Variants in PAK1IP1 observed in about 807,000 individuals in gnomAD.
PAK1IP1 encodes the protein PAK1 interacting protein 1.
A neutral mutation model predicts 42.0 loss-of-function variants in PAK1IP1; 24 were observed. The observed-to-expected ratio is 0.57, with a 90% CI of 0.41 to 0.80. The LOEUF (loss-of-function observed/expected upper bound fraction) is 0.80. PAK1IP1 is among the 30% of genes least tolerant of loss of function. The probability of loss-of-function intolerance (pLI) is 0.00; values close to 1 mark genes in which losing one functional copy is unlikely to be tolerated. For synonymous variants in PAK1IP1, 154 were observed against 156.7 expected, an observed-to-expected ratio of 0.98 and a Z score of 0.13; for missense variants, 411 against 467.9, an observed-to-expected ratio of 0.88 and a Z score of 1.12.
At chr6:10,693,930 T>C (rs2127475846), upstream of PAK1IP1, among the ~76,000 whole-genome samples, 1 of 152,248 alleles carries the variant, frequency 6.6e-6, no homozygotes, top group East Asian at 1.9e-4. Context: ...CATCAAAATA[T>C]GTTGCTCAGG....
At chr6:10,694,583 G>GAC, upstream of PAK1IP1, 1 of 186,204 alleles carries the variant, frequency 5.4e-6, no homozygotes, top group Non-Finnish European at 1.2e-5. Flanking sequence ...GCACGCTGCC[G>GAC]GCGCTACAGC....
intron 1 of PAK1IP1, among the ~76,000 whole-genome samples, chr6:10,696,064 T>C (rs1286362668): frequency 2.6e-5 from 4 of 152,100 alleles, no homozygotes; most frequent in African/African-American, 9.7e-5. Flanking sequence ...GTTTTGCAGA[T>C]GAAGTACCAA....
Position 10,707,452 on chromosome 6 carries a change from C to T in PAK1IP1, c.778C>T (p.His260Tyr), listed in dbSNP as rs926366590. ...GTTCAGTTTTGAAATTCCAGAGCATCATGTTATTGTTTCAGCATCGAGTGA... is the reference window on the plus strand; with the variant it reads ...GTTCAGTTTTGAAATTCCAGAGCATTATGTTATTGTTTCAGCATCGAGTGA... ...DMFSFEIPEH[H>Y]VIVSASSDGF... The change falls in exon 8 of 10, where the codon CAT becomes TAT. Residue 260 changes from histidine to tyrosine, a missense_variant. Transcript: ENST00000379568. The T allele has an allele frequency of 3.4e-5, 54 of 1,610,594 alleles. No individual in the cohort carries two copies. The highest frequency in any genetic ancestry group is 4.1e-5 in the Non-Finnish European group (48 of 1,176,950).
In PAK1IP1 at chr6:10,702,628, T is replaced by C. The variant is rs1200118144; in HGVS notation, c.432T>C (p.Asp144=). The C allele has an allele frequency of 1.9e-6, 3 of 1,611,474 alleles. No homozygotes were observed. The highest frequency in any genetic ancestry group is 2.7e-5 in the African/African-American group (2 of 74,898). ...SGKLALSVGT[D]KTLRTWNLVE... ...AGTTGGCCCTGTCGGTTGGTACAGA[T>C]AAAACTTTAAGGTAAGTCATTAATG... The change falls in exon 4 of 10, where the codon GAT becomes GAC. Residue 144 remains aspartate (D), a synonymous_variant. Transcript: ENST00000379568.
chr6:10,703,639 A>ATTTT (rs1404653376), intron 5 of PAK1IP1, among the ~76,000 whole-genome samples, 182 bp downstream of exon 5: 1 of 152,246 alleles, frequency 6.6e-6, no homozygotes, highest in African/African-American at 2.4e-5. Flanking sequence ...AATATTGTGT[A>ATTTT]AAATTACCTT....
chr6:10,703,325 A>T, intron 4 of PAK1IP1, 80 bp from the exon 5 acceptor site: 1 of 981,708 alleles, frequency 1.0e-6, no homozygotes, highest in Non-Finnish European at 1.6e-6. Flanking sequence ...ATGTCACTTA[A>T]GTCTTCATTA....
chr6:10,699,001 C>T (rs1769943354), intron 2 of PAK1IP1, among the ~76,000 whole-genome samples: 1 of 151,992 alleles, frequency 6.6e-6, no homozygotes, highest in African/African-American at 2.4e-5. Context: ...GAGATTGAGA[C>T]CATCCTGGCT....
chr6:10,704,922 T>C, intron 7 of PAK1IP1, 78 bp downstream of exon 7: 2 of 863,432 alleles, frequency 2.3e-6, no homozygotes, highest in Non-Finnish European at 4.0e-6. Context: ...AGCCAGGTTA[T>C]ATGTTTTTAT....
Position 10,697,443 on chromosome 6 carries a change from C to G in PAK1IP1, c.204C>G (p.Asp68Glu), listed in dbSNP as rs988335577. The G allele has an allele frequency of 4.3e-6, 7 of 1,613,800 alleles. No homozygotes were observed. Among genetic ancestry groups the G allele is most frequent in the Non-Finnish European group, 5.1e-6 (6 of 1,179,872 alleles). The change falls in exon 2 of 10, where the codon GAC (aspartate) becomes GAG (glutamate). Residue 68 changes from aspartate (D) to glutamate (E), a missense_variant. Asp to Glu is a conservative substitution (Grantham distance 45, BLOSUM62 2). Coordinates refer to ENST00000379568, the MANE Select transcript of PAK1IP1 (RefSeq NM_017906.3). ...GSKDETIHIY[D>E]MKKKIEHGAL... is the part of the protein sequence containing the mutation. ...AAGATGAAACAATTCACATTTATGACATGAAAAAGAAGATTGAGCATGGGG... is the reference window on the plus strand; with the variant it reads ...AAGATGAAACAATTCACATTTATGAGATGAAAAAGAAGATTGAGCATGGGG...
Position 10,703,394 on chromosome 6 carries a change from C to T in PAK1IP1, c.444-11C>T. ...GGTGATCACACCGTAAGTGAGCTTC[C>T]TGTTTTGCAGAACGTGGAATCTTGT... is the stretch of plus-strand genomic sequence containing the variant. On this transcript the variant is annotated splice_polypyrimidine_tract_variant and intron_variant, in intron 4 of 9. Coordinates refer to ENST00000379568, the MANE Select transcript of PAK1IP1 (RefSeq NM_017906.3). 6.2e-7 allele frequency: 1 copy of T among 1,605,878 alleles called. No individual in the cohort carries two copies. The highest frequency in any genetic ancestry group is 1.1e-5 in the South Asian group (1 of 90,272).
At chr6:10,693,044 C>T (rs1396131236), upstream of PAK1IP1, among the ~76,000 whole-genome samples, 3 of 152,238 alleles carry the variant, frequency 2.0e-5, no homozygotes, top group Non-Finnish European at 4.4e-5. Flanking sequence ...GACTAACTTA[C>T]TTCAAGCCTC....
rs530364577 is a variant in PAK1IP1 at position 10,703,446 on chromosome 6, A to C, written c.485A>C (p.Asn162Thr). Reference protein sequence around the residue: ...LVEGRSAFIKNIKQNAHIVEW... With the variant: ...LVEGRSAFIKTIKQNAHIVEW... ...GAAGGAAGATCAGCATTCATAAAAA[A>C]TATAAAACAAAGTGAGTATTTTTGT... The change falls in exon 5 of 10, where the codon AAT becomes ACT. Residue 162 changes from asparagine to threonine, a missense_variant. Coordinates refer to ENST00000379568, the MANE Select transcript of PAK1IP1 (RefSeq NM_017906.3). The C allele has an allele frequency of 6.2e-6, 10 of 1,607,982 alleles. No individual in the cohort carries two copies. The South Asian group carries it at 1.1e-4, about 18-fold the overall frequency.
intron 4 of PAK1IP1, 91 bp downstream of exon 4, chr6:10,702,730 G>C (rs1291621060): frequency 3.7e-5 from 34 of 921,810 alleles, no homozygotes; most frequent in Non-Finnish European, 5.2e-5. Flanking sequence ...CAAGGGAAAG[G>C]TCAAAAGCTG....
intron 7 of PAK1IP1, among the ~76,000 whole-genome samples, chr6:10,705,407 G>A (rs1770172541): frequency 6.6e-6 from 1 of 152,130 alleles, no homozygotes; most frequent in Non-Finnish European, 1.5e-5. Flanking sequence ...TGTTAGACTT[G>A]GAGCCTGAAA....
intron 7 of PAK1IP1, among the ~76,000 whole-genome samples, chr6:10,707,030 G>A (rs1471869506): frequency 6.6e-6 from 1 of 152,198 alleles, no homozygotes; most frequent in East Asian, 1.9e-4. Context: ...CTGGAGATGA[G>A]GGAAATGGAT....
Position 10,697,362 on chromosome 6 carries a change from C to T in PAK1IP1, c.123C>T (p.His41=), listed in dbSNP as rs147277395. ...TGGCTGACTTCACTCACCATGCTCACACTGCCTCCTTGTCAGCAGTAGCTG... is the reference window on the plus strand; with the variant it reads ...TGGCTGACTTCACTCACCATGCTCATACTGCCTCCTTGTCAGCAGTAGCTG... The part of the protein sequence containing the change: ...TLVADFTHHA[H]TASLSAVAVN... The change falls in exon 2 of 10, where the codon CAC becomes CAT. Residue 41 remains histidine (H), a synonymous_variant. Coordinates refer to ENST00000379568, the MANE Select transcript of PAK1IP1 (RefSeq NM_017906.3). 1 of 1,613,920 alleles carries T rather than the reference C, an allele frequency of 6.2e-7. No individual in the cohort carries two copies. Among genetic ancestry groups the T allele is most frequent in the African/African-American group, 1.3e-5 (1 of 74,912 alleles).
intron 1 of PAK1IP1, 139 bp from the exon 2 acceptor site, chr6:10,697,185 A>G: frequency 1.4e-6 from 1 of 720,328 alleles, no homozygotes; most frequent in Non-Finnish European, 2.3e-6. Flanking sequence ...GGATCCATTG[A>G]TAGTTTTCAT....
chr6:10,709,292 A>C lies in PAK1IP1; in HGVS notation c.1019A>C (p.Lys340Thr). 1 of 1,614,146 alleles carries C rather than the reference A, an allele frequency of 6.2e-7. No individual in the cohort carries two copies. The highest frequency in any genetic ancestry group is 1.1e-5 in the South Asian group (1 of 91,070). Residue 340 changes from lysine (K) to threonine (T), a missense_variant, in exon 10 of 10, where the codon AAA becomes ACA. Transcript: ENST00000379568. ...AAGGAGCCTGGTGACACAGTGCACAAAGAAGAAAAGCGGTCAAAACCTAAC... is the reference window on the plus strand; with the variant it reads ...AAGGAGCCTGGTGACACAGTGCACACAGAAGAAAAGCGGTCAAAACCTAAC... ...GKKEPGDTVH[K>T]EEKRSKPNTK...
chr6:10,708,235 T>TGGAAGC (rs1376403680), intron 8 of PAK1IP1, among the ~76,000 whole-genome samples: 11 of 146,514 alleles, frequency 7.5e-5, no homozygotes, highest in South Asian at 4.6e-4. Flanking sequence ...TAATCTGTTT[T>TGGAAGC]TTGTTTTTAT....
Sources: allele counts gnomAD v4.1 joint callset (sites outside exome capture counted in the v4.1 genomes callset), GRCh38; gene constraint gnomAD v4.1.1; transcripts MANE v1.5; gene names NCBI Gene and HGNC (gene_info 2026-07-23, HGNC 2026-07-21).